LAMA2: variants seen among roughly 807,000 people sequenced by gnomAD.
The protein encoded by LAMA2 is laminin subunit alpha-2.
A neutral mutation model predicts 364.8 loss-of-function variants in LAMA2; 269 were observed. The ratio of observed to expected loss-of-function variants is 0.74; its 90% CI spans 0.67 to 0.82. The LOEUF (loss-of-function observed/expected upper bound fraction) is 0.82. Among genes scored for constraint, LAMA2 ranks in the 40% least tolerant of loss-of-function variants. The pLI is 0.00. For synonymous variants in LAMA2, 1,379 were observed against 1,370.6 expected (o/e 1.01, Z -0.14); for missense variants, 3,807 against 3,873.2 (o/e 0.98, Z 0.45).
intron 1 of LAMA2, among the ~76,000 whole-genome samples, chr6:128,949,062 T>A (rs1446684290): frequency 6.6e-6 from 1 of 152,202 alleles, no homozygotes; most frequent in Non-Finnish European, 1.5e-5. Flanking sequence ...TATGAATATT[T>A]GAATATTTTT....
intron 41 of LAMA2, among the ~76,000 whole-genome samples, chr6:129,432,494 G>C (rs1428299032): frequency 6.6e-6 from 1 of 152,188 alleles, no homozygotes; most frequent in Non-Finnish European, 1.5e-5. Context: ...ATGGGGCTTA[G>C]AGCTAAAAAC....
chr6:128,961,032 G>A (rs1438655176), intron 1 of LAMA2, among the ~76,000 whole-genome samples: 3 of 151,438 alleles, frequency 2.0e-5, no homozygotes, highest in Admixed American at 2.0e-4. Flanking sequence ...ACTCAAATAT[G>A]AACAAGGTAT....
rs1170942296 is a variant in LAMA2, at chr6:129,475,606, G to T, written c.7451+205G>T. Among the ~76,000 whole-genome samples the T allele has an allele frequency of 4.6e-5, 7 of 151,842 alleles. No homozygotes were observed. The East Asian group carries it at 1.4e-3, about 30-fold the overall frequency. ...CTGCTGCTTACCCACCATCAGTTGG[G>T]CTGCAATTTGAGTTGTCTCACCAGC... On this transcript the variant is annotated intron_variant, in intron 53 of 64. Coordinates refer to ENST00000421865, the MANE Select transcript of LAMA2 (RefSeq NM_000426.4).
chr6:129,275,595 A>T lies in LAMA2; in HGVS notation c.2451-4466A>T, dbSNP rs117581822. On this transcript the variant is annotated intron_variant, in intron 17 of 64. Transcript: ENST00000421865. ...TATGTTAATTATGCTACATAGTTACAGTTATATTAACAGCTATGTTAATAT... is the reference window on the plus strand; with the variant it reads ...TATGTTAATTATGCTACATAGTTACTGTTATATTAACAGCTATGTTAATAT... Among the ~76,000 whole-genome samples, 696 of 152,126 alleles carry T rather than the reference A, an allele frequency of 4.6e-3. 3 individuals carry two copies. Among genetic ancestry groups the T allele is most frequent in the Admixed American group, 0.01 (160 of 15,256 alleles).
intron 41 of LAMA2, among the ~76,000 whole-genome samples, chr6:129,429,126 T>C (rs999813403): frequency 6.6e-6 from 1 of 152,240 alleles, no homozygotes; most frequent in Admixed American, 6.5e-5. Flanking sequence ...CAGGATTTAG[T>C]TCAAATGCCA....
intron 1 of LAMA2, among the ~76,000 whole-genome samples, chr6:128,969,967 A>G (rs911828407): frequency 2.0e-5 from 3 of 152,174 alleles, no homozygotes; most frequent in Admixed American, 2.0e-4. Flanking sequence ...AATCTATAAT[A>G]GAAAACAGAA....
intron 1 of LAMA2, among the ~76,000 whole-genome samples, chr6:129,030,461 G>A (rs945369040): frequency 2.6e-5 from 4 of 152,048 alleles, no homozygotes; most frequent in African/African-American, 7.2e-5. Flanking sequence ...CACATGTTCC[G>A]TCTTTAGCAA....
intron 52 of LAMA2, 89 bp from the exon 53 acceptor site, chr6:129,475,301 T>C (rs1784013063): frequency 3.7e-6 from 3 of 808,156 alleles, no homozygotes; most frequent in African/African-American, 3.5e-5. Flanking sequence ...AGATTTATGA[T>C]TAAAGTTTAT....
chr6:129,478,659 T>A, intron 53 of LAMA2, 34 bp from the exon 54 acceptor site: 1 of 1,610,528 alleles, frequency 6.2e-7, no homozygotes, highest in Non-Finnish European at 8.5e-7. Flanking sequence ...ACCCTAATGA[T>A]ATTGCTTTTG....
intron 35 of LAMA2, among the ~76,000 whole-genome samples, chr6:129,386,787 A>G (rs910559936): frequency 1.3e-5 from 2 of 152,228 alleles, no homozygotes. Flanking sequence ...TAATGAAGAT[A>G]AAGTAGCACA....
chr6:129,196,384 G>T (rs1781853786), intron 12 of LAMA2, among the ~76,000 whole-genome samples: 2 of 150,024 alleles, frequency 1.3e-5, no homozygotes, highest in African/African-American at 2.5e-5. Flanking sequence ...TCATATAAAA[G>T]AAGCTCAACA....
intron 34 of LAMA2, among the ~76,000 whole-genome samples, chr6:129,382,463 G>T (rs894319800): frequency 1.3e-5 from 2 of 152,160 alleles, no homozygotes; most frequent in Non-Finnish European, 2.9e-5. Context: ...AGGTGGGGCT[G>T]TTTTGGGGTT....
chr6:129,450,738 G>A (rs370326594), intron 45 of LAMA2, among the ~76,000 whole-genome samples: 3 of 152,162 alleles, frequency 2.0e-5, no homozygotes, highest in South Asian at 2.1e-4. Context: ...ACATACAGTC[G>A]CTTTGACTAC....
At chr6:129,384,955 A>G (rs186020127) in intron 35 of LAMA2, among the ~76,000 whole-genome samples, 15 of 150,314 alleles carry the variant, frequency 1.0e-4, no homozygotes, top group Non-Finnish European at 2.2e-4. Context: ...AAATTGAATG[A>G]AAGGTCAAAT....
intron 22 of LAMA2, among the ~76,000 whole-genome samples, chr6:129,310,863 A>C (rs906237543): frequency 1.1e-4 from 16 of 152,088 alleles, no homozygotes; most frequent in African/African-American, 3.4e-4. Context: ...CAGCCTATGG[A>C]TGGTCAAACA....
intron 3 of LAMA2, among the ~76,000 whole-genome samples, chr6:129,082,894 T>C (rs750073937): frequency 6.2e-4 from 94 of 152,134 alleles, no homozygotes; most frequent in Non-Finnish European, 1.3e-4. Context: ...ATTGCTACTT[T>C]CCTATTGATT....
Position 129,445,075 on chromosome 6 carries a change from AT to A in LAMA2, c.6275-591del, listed in dbSNP as rs563417428. Among the ~76,000 whole-genome samples the A allele has an allele frequency of 6.6e-5, 10 of 152,344 alleles. No individual in the cohort carries two copies. The East Asian group carries it at 1.7e-3, about 26-fold the overall frequency. On this transcript the variant is annotated intron_variant, in intron 44 of 64. Transcript: ENST00000421865. ...TCAACCTAATATGTAACACAGGGTA[AT>A]CAACTATTCTTCAAAATGAAATTGA...
At chr6:129,306,965 C>G (rs1773917759) in intron 22 of LAMA2, among the ~76,000 whole-genome samples, 1 of 152,036 alleles carries the variant, frequency 6.6e-6, no homozygotes, top group African/African-American at 2.4e-5. Flanking sequence ...TCTCCTGTTT[C>G]TGAGTCATAT....
At chr6:129,078,204 G>A (rs1249412647) in intron 3 of LAMA2, among the ~76,000 whole-genome samples, 2 of 151,572 alleles carry the variant, frequency 1.3e-5, no homozygotes, top group African/African-American at 2.4e-5. Flanking sequence ...GCACAATGTC[G>A]GCTCACTGCA....
Sources: gnomAD v4.1 joint callset for allele counts (sites outside exome capture counted in the v4.1 genomes callset) on GRCh38, gnomAD v4.1.1 for gene constraint, MANE v1.5 for transcripts, NCBI Gene and HGNC (gene_info 2026-07-23, HGNC 2026-07-21) for gene names.